PDGFC: variants seen among roughly 807,000 people sequenced by gnomAD.
The protein encoded by PDGFC is platelet derived growth factor C.
In PDGFC, 12 loss-of-function variants were observed where a neutral mutation model predicts 35.5. The ratio of observed to expected loss-of-function variants is 0.34; its 90% CI spans 0.22 to 0.55. PDGFC has a LOEUF of 0.55. Ranked by LOEUF, PDGFC falls within the 20% of genes least tolerant of loss-of-function variation. PDGFC has a pLI of 0.91. For missense variants in PDGFC, 322 were observed against 412.4 expected (o/e 0.78, Z 1.90); for synonymous variants, 159 against 148.8 (o/e 1.07, Z -0.50).
At chr4:156,943,754 T>G (rs1218669112) in intron 1 of PDGFC, among the ~76,000 whole-genome samples, 1 of 152,146 alleles carries the variant, frequency 6.6e-6, no homozygotes, top group East Asian at 1.9e-4. Context: ...TTCTTAATGT[T>G]AACATTTTAC....
At chr4:156,888,882 A>C (rs79167251) in intron 1 of PDGFC, among the ~76,000 whole-genome samples, 9,348 of 152,290 alleles carry the variant, frequency 0.061, 386 homozygotes, top group Middle Eastern at 0.11. Context: ...TGCTCACCCA[A>C]GAAAAACATG....
At chr4:156,775,162 TTATAGA>T (rs1730795423) in intron 3 of PDGFC, among the ~76,000 whole-genome samples, 1 of 152,164 alleles carries the variant, frequency 6.6e-6, no homozygotes, top group South Asian at 2.1e-4. Flanking sequence ...GAAAACTCTA[TTATAGA>T]TATAAACATT....
intron 1 of PDGFC, among the ~76,000 whole-genome samples, chr4:156,881,429 C>A (rs950620283): frequency 6.6e-6 from 1 of 152,060 alleles, no homozygotes; most frequent in Non-Finnish European, 1.5e-5. Context: ...GCTCTGTGTT[C>A]CCACCCAAAT....
chr4:156,942,430 C>A (rs1324835708), intron 1 of PDGFC, among the ~76,000 whole-genome samples: 1 of 151,894 alleles, frequency 6.6e-6, no homozygotes, highest in Non-Finnish European at 1.5e-5. Flanking sequence ...CTTTAAGATT[C>A]CACAGGAGAA....
chr4:156,763,363 C>CA (rs33986749), intron 5 of PDGFC, among the ~76,000 whole-genome samples, 157 bp from the exon 6 acceptor site: 17,508 of 97,014 alleles, frequency 0.18, 1,960 homozygotes, highest in African/African-American at 0.34. Context: ...ACTCTCCCAC[C>CA]AAAAAAAAAA....
chr4:156,970,984 G>GGT lies in PDGFC; in HGVS notation c.-82_-81insAC. 1.1e-6 allele frequency: 1 copy of GGT among 881,026 alleles called. No individual in the cohort carries two copies. Among genetic ancestry groups the GGT allele is most frequent in the African/African-American group, 1.6e-5 (1 of 61,064 alleles). The allele number at this position is 881,026 out of a possible 1,614,324, so 54.6% of individuals were successfully genotyped here. On this transcript the variant is annotated 5_prime_UTR_variant, in exon 1 of 6. The change creates a premature stop within an existing upstream ORF in the 5' untranslated region. Coordinates refer to ENST00000502773, the MANE Select transcript of PDGFC (RefSeq NM_016205.3). ...CCGAGTCTCTTTCACCACCGCCAGG[G>GGT]GAAGGCTGCACTGGGGTGGAAGCGC... is the stretch of plus-strand genomic sequence containing the variant.
At chr4:156,810,519 T>A (rs1016429507) in intron 3 of PDGFC, among the ~76,000 whole-genome samples, 2 of 152,036 alleles carry the variant, frequency 1.3e-5, no homozygotes, top group Non-Finnish European at 2.9e-5. Flanking sequence ...GCTATACCCT[T>A]AACCAATACT....
chr4:156,852,379 A>G (rs1254157194), intron 1 of PDGFC, among the ~76,000 whole-genome samples: 1 of 152,116 alleles, frequency 6.6e-6, no homozygotes, highest in Non-Finnish European at 1.5e-5. Context: ...TAAACCCTAC[A>G]TGTTTCTTCT....
intron 1 of PDGFC, among the ~76,000 whole-genome samples, chr4:156,915,510 A>T (rs1731137405): frequency 1.3e-5 from 2 of 152,248 alleles, no homozygotes; most frequent in South Asian, 4.1e-4. Flanking sequence ...GTTCTTGAAA[A>T]CAAGGTGCGG....
intron 1 of PDGFC, among the ~76,000 whole-genome samples, chr4:156,941,987 G>A (rs1430391594): frequency 2.0e-5 from 3 of 152,098 alleles, no homozygotes; most frequent in Non-Finnish European, 4.4e-5. Flanking sequence ...AGTGAATAAA[G>A]GCAAGTATAA....
chr4:156,895,250 T>A (rs1730603799), intron 1 of PDGFC, among the ~76,000 whole-genome samples: 1 of 152,152 alleles, frequency 6.6e-6, no homozygotes, highest in Admixed American at 6.5e-5. Context: ...TATTTCTAAA[T>A]AAAATCATAA....
intron 1 of PDGFC, among the ~76,000 whole-genome samples, chr4:156,867,006 C>A (rs544057290): frequency 6.6e-6 from 1 of 152,102 alleles, no homozygotes; most frequent in Non-Finnish European, 1.5e-5. Context: ...TAACTGGGAT[C>A]GCCTTATTTT....
At chr4:156,794,684 G>C (rs1010485414) in intron 3 of PDGFC, among the ~76,000 whole-genome samples, 6 of 151,798 alleles carry the variant, frequency 4.0e-5, no homozygotes, top group African/African-American at 1.4e-4. Flanking sequence ...CATTCTAGTA[G>C]AACACTCACT....
At position 156,794,541 on chromosome 4, in the gene PDGFC, G is replaced by T. The variant is rs1032991206; in HGVS notation, c.495+16296C>A. Among the ~76,000 whole-genome samples the T allele has an allele frequency of 5.9e-5, 9 of 151,586 alleles. No homozygotes were observed. The South Asian group carries it at 1.5e-3, about 25-fold the overall frequency. On this transcript the variant is annotated intron_variant, in intron 3 of 5. Transcript: ENST00000502773. ...AAAAAAGAAGGGAGGGAGGAAGGAA[G>T]ACAGGAAGAAAAGGAAACTCTGCTT...
chr4:156,859,197 T>A (rs1729652101), intron 1 of PDGFC, among the ~76,000 whole-genome samples: 1 of 152,070 alleles, frequency 6.6e-6, no homozygotes, highest in Non-Finnish European at 1.5e-5. Context: ...TAGAAACATA[T>A]TCATTTTAGT....
At chr4:156,879,868 T>C (rs868599807) in intron 1 of PDGFC, among the ~76,000 whole-genome samples, 7 of 152,300 alleles carry the variant, frequency 4.6e-5, no homozygotes, top group African/African-American at 1.4e-4. Context: ...CTAAATAAAG[T>C]TTTTGTTCTC....
intron 1 of PDGFC, among the ~76,000 whole-genome samples, chr4:156,919,487 A>G (rs1483844552): frequency 1.4e-4 from 1 of 7,126 alleles, no homozygotes; most frequent in Non-Finnish European, 1.1e-3. Context: ...TCTCACACGC[A>G]TTTTTTCCTA....
In PDGFC at chr4:156,903,275, AT is replaced by A. The variant is rs141433772; in HGVS notation, c.119-52860del. ...AATAATTTATAGAACAAATTAAACA[AT>A]AACATTTTCTAATAAAATGAACAAA... On this transcript the variant is annotated intron_variant, in intron 1 of 5. Transcript: ENST00000502773. Among the ~76,000 whole-genome samples, 448 of 152,110 alleles carry A rather than the reference AT, an allele frequency of 2.9e-3. 3 individuals are homozygous for A. The highest frequency in any genetic ancestry group is 0.01 in the African/African-American group (432 of 41,548).
At chr4:156,889,915 G>A (rs769762041) in intron 1 of PDGFC, among the ~76,000 whole-genome samples, 13 of 152,074 alleles carry the variant, frequency 8.5e-5, no homozygotes, top group Non-Finnish European at 1.5e-4. Flanking sequence ...AATGTTGAAT[G>A]GTCCAAGTGT....
Sources: allele counts gnomAD v4.1 joint callset (sites outside exome capture counted in the v4.1 genomes callset), GRCh38; gene constraint gnomAD v4.1.1; transcripts MANE v1.5; gene names NCBI Gene and HGNC (gene_info 2026-07-23, HGNC 2026-07-21).